Variants in MBD5 observed in about 807,000 individuals in gnomAD.
MBD5 encodes methyl-CpG-binding domain protein 5.
Under a neutral mutation model 117.3 loss-of-function variants are expected in MBD5, and 13 were observed. That is an observed-to-expected ratio of 0.11 (90% CI 0.07 to 0.18). The LOEUF is 0.18. Among genes scored for constraint, MBD5 ranks in the 10% least tolerant of loss-of-function variants. The pLI, the probability that MBD5 is intolerant of heterozygous loss-of-function variation, is 1.00. For synonymous variants in MBD5, 727 were observed against 766.4 expected, an observed-to-expected ratio of 0.95 and a Z score of 0.85; for missense variants, 1,879 against 2,093.8, an observed-to-expected ratio of 0.90 and a Z score of 2.00.
At chr2:148,485,657 G>A (rs1336417661) in intron 9 of MBD5, 85 bp from the exon 10 acceptor site, 5 of 1,043,362 alleles carry the variant, frequency 4.8e-6, no homozygotes, top group Non-Finnish European at 7.3e-6. Flanking sequence ...CTTAGTTTCT[G>A]TTTCAGGAAT....
intron 3 of MBD5, among the ~76,000 whole-genome samples, chr2:148,331,504 C>A (rs1319524086): frequency 6.6e-6 from 1 of 151,948 alleles, no homozygotes; most frequent in Non-Finnish European, 1.5e-5. Flanking sequence ...ATTTCTCATG[C>A]CTGATGTGTA....
intron 3 of MBD5, among the ~76,000 whole-genome samples, chr2:148,244,523 T>C (rs951957113): frequency 1.3e-5 from 2 of 152,224 alleles, no homozygotes; most frequent in African/African-American, 2.4e-5. Flanking sequence ...TAAAATTAAT[T>C]CATTATTTTA....
At chr2:148,368,656 C>T (rs1703770676) in intron 4 of MBD5, among the ~76,000 whole-genome samples, 1 of 151,808 alleles carries the variant, frequency 6.6e-6, no homozygotes, top group Admixed American at 6.6e-5. Flanking sequence ...GCAATTTGAG[C>T]ATTAAGATAA....
rs942307674 is a variant in MBD5, at chr2:148,021,736, T to G, written c.-925+52T>G. Reference sequence around the variant, plus strand: ...GCCTTCCTCTGGCTCTGACTTTCACTCCGGGGCAACAGTAGCACCAAACCA... The same window carrying G: ...GCCTTCCTCTGGCTCTGACTTTCACGCCGGGGCAACAGTAGCACCAAACCA... On this transcript the variant is annotated intron_variant, in intron 1 of 13. Transcript: ENST00000642680. 3 of 277,290 alleles carry G rather than the reference T, an allele frequency of 1.1e-5. No individual in the cohort carries two copies. In the Admixed American group the frequency reaches 1.2e-4, roughly 12 times the overall value. 17.2% of individuals were successfully genotyped at this position (277,290 alleles called of 1,614,324 possible). A position where few individuals can be genotyped will look rare whatever the true frequency, so the allele number is the denominator to read the frequency against.
rs761480419 is a variant in MBD5 at position 148,483,488 on chromosome 2, A to G, written c.2897A>G (p.Asn966Ser). Residue 966 changes from asparagine (N) to serine (S), a missense_variant, in exon 9 of 14, where the codon AAC becomes AGC. Asn to Ser is a conservative substitution (Grantham distance 46, BLOSUM62 1). Coordinates refer to ENST00000642680, the MANE Select transcript of MBD5 (RefSeq NM_001378120.1). ...HPLGFLNPNV[N>S]AALAFLSSDM... ...TTAGGTTTTCTCAACCCGAATGTAA[A>G]CGCTGCTTTAGCTTTTCTCTCCAGT... 1.6e-5 allele frequency: 26 copies of G among 1,613,442 alleles called. No individual in the cohort carries two copies. In the Admixed American group the frequency reaches 4.3e-4, roughly 27 times the overall value.
Position 148,483,755 on chromosome 2 carries a change from G to A in MBD5, c.3164G>A (p.Gly1055Glu), listed in dbSNP as rs1228157550. The A allele has an allele frequency of 6.5e-7, 1 of 1,550,376 alleles. No individual in the cohort carries two copies. Among genetic ancestry groups the A allele is most frequent in the African/African-American group, 1.4e-5 (1 of 73,020 alleles). The stretch of plus-strand genomic sequence containing the variant: ...GAGACCCTTTTAACCAGCCCCCTGG[G>A]GAACCCTTTACCAAGCTTTGCAGGC... ...RAETLLTSPL[G>E]NPLPSFAGSD... The change falls in exon 9 of 14, where the codon GGG (glycine) becomes GAG (glutamate). Residue 1055 changes from glycine (G) to glutamate (E), a missense_variant. This residue lies in a region of MBD5 where 1,666 missense variants were observed against 1,792.2 expected (regional missense o/e 0.93). Coordinates refer to ENST00000642680, the MANE Select transcript of MBD5 (RefSeq NM_001378120.1).
chr2:148,508,783 G>T (rs1682122531), intron 12 of MBD5, among the ~76,000 whole-genome samples: 1 of 152,006 alleles, frequency 6.6e-6, no homozygotes, highest in Non-Finnish European at 1.5e-5. Flanking sequence ...TATATTTTTT[G>T]AAACATAGGA....
rs551628344 is a variant in MBD5, at chr2:148,387,864, TC to T, written c.-557+45529del. Among the ~76,000 whole-genome samples the T allele has an allele frequency of 2.8e-4, 42 of 152,274 alleles. 1 individual carries two copies. The South Asian group carries it at 8.3e-3, about 30-fold the overall frequency. The stretch of plus-strand genomic sequence containing the variant: ...AGACTTTATTGAACAATATTAAACA[TC>T]TAAATAGTTTATACGAATATATTAG... On this transcript the variant is annotated intron_variant, in intron 4 of 13. Coordinates refer to ENST00000642680, the MANE Select transcript of MBD5 (RefSeq NM_001378120.1).
intron 1 of MBD5, among the ~76,000 whole-genome samples, chr2:148,171,501 T>C (rs1410193031): frequency 6.6e-6 from 1 of 152,158 alleles, no homozygotes; most frequent in Non-Finnish European, 1.5e-5. Context: ...TGTATGACAT[T>C]CAGCTAACAT....
At chr2:148,029,019 CTG>C in intron 1 of MBD5, among the ~76,000 whole-genome samples, 1 of 152,074 alleles carries the variant, frequency 6.6e-6, no homozygotes, top group Non-Finnish European at 1.5e-5. Context: ...AGACATCTAA[CTG>C]TTTATAACAT....
chr2:148,418,900 A>T (rs1226103339), intron 4 of MBD5, among the ~76,000 whole-genome samples: 1 of 152,204 alleles, frequency 6.6e-6, no homozygotes, highest in African/African-American at 2.4e-5. Context: ...GGACTAAAAA[A>T]GAGCCAGAAT....
At chr2:148,292,556 G>C (rs1020804167) in intron 3 of MBD5, among the ~76,000 whole-genome samples, 1 of 152,108 alleles carries the variant, frequency 6.6e-6, no homozygotes, top group Non-Finnish European at 1.5e-5. Flanking sequence ...ATATCCAAAA[G>C]ATAGGTAATA....
At chr2:148,290,613 C>T (rs7603327) in intron 3 of MBD5, among the ~76,000 whole-genome samples, 33,116 of 151,974 alleles carry the variant, frequency 0.22, 4,184 homozygotes, top group East Asian at 0.54. Flanking sequence ...GGCTCTTCCC[C>T]GCTCATTATT....
At chr2:148,120,285 C>A (rs1368360224) in intron 1 of MBD5, among the ~76,000 whole-genome samples, 1 of 152,148 alleles carries the variant, frequency 6.6e-6, no homozygotes, top group Non-Finnish European at 1.5e-5. Context: ...GTTATTCCTG[C>A]ATTTCCATGT....
chr2:148,137,707 C>T lies in MBD5; in HGVS notation c.-924-40993C>T, dbSNP rs141028149. ...TCATGTGCCAGATAACAACATTTAT[C>T]GCAACAATGGACTGCAAATAGGACT... On this transcript the variant is annotated intron_variant, in intron 1 of 13. Coordinates refer to ENST00000642680, the MANE Select transcript of MBD5 (RefSeq NM_001378120.1). Among the ~76,000 whole-genome samples, 1,393 of 152,272 alleles carry T rather than the reference C, an allele frequency of 9.1e-3. 14 individuals carry two copies. Among genetic ancestry groups the T allele is most frequent in the African/African-American group, 0.031 (1,292 of 41,540 alleles).
intron 3 of MBD5, among the ~76,000 whole-genome samples, chr2:148,311,017 G>T (rs947930269): frequency 1.3e-5 from 2 of 152,134 alleles, no homozygotes; most frequent in Admixed American, 6.5e-5. Context: ...GAGACTGTTT[G>T]TTATAATTTC....
At chr2:148,363,999 C>A (rs1703621548) in intron 4 of MBD5, among the ~76,000 whole-genome samples, 1 of 152,092 alleles carries the variant, frequency 6.6e-6, no homozygotes, top group Non-Finnish European at 1.5e-5. Flanking sequence ...CAGAGAACGC[C>A]ACAAAGATAC....
chr2:148,396,750 T>C (rs1024603145), intron 4 of MBD5, among the ~76,000 whole-genome samples: 12 of 152,162 alleles, frequency 7.9e-5, no homozygotes, highest in African/African-American at 2.7e-4. Context: ...ACTGGGGTAT[T>C]CTTACAGGGT....
intron 8 of MBD5, chr2:148,472,267 G>A (rs1236921388): frequency 6.6e-6 from 1 of 151,870 alleles, no homozygotes. Context: ...AAAGCATATA[G>A]GTTAAAAATT....
Sources: allele counts gnomAD v4.1 joint callset (sites outside exome capture counted in the v4.1 genomes callset), GRCh38; gene constraint gnomAD v4.1.1; regional missense constraint gnomAD v4.1.1; transcripts MANE v1.5; gene names NCBI Gene and HGNC (gene_info 2026-07-23, HGNC 2026-07-21).